ADGB: variants seen among roughly 807,000 people sequenced by gnomAD.
ADGB encodes calpain-7-like protein.
Under a neutral mutation model 210.5 loss-of-function variants are expected in ADGB, and 172 were observed. The ratio of observed to expected loss-of-function variants is 0.82; its 90% CI spans 0.72 to 0.93. The LOEUF is 0.93. Ranked by LOEUF, ADGB falls within the 40% of genes least tolerant of loss-of-function variation. The pLI is 0.00. For missense variants in ADGB, 2,025 were observed against 1,964.8 expected (o/e 1.03, Z -0.58); for synonymous variants, 658 against 662.7 (o/e 0.99, Z 0.11).
At chr6:146,644,450 G>A (rs1168248290) in intron 2 of ADGB, among the ~76,000 whole-genome samples, 2 of 151,752 alleles carry the variant, frequency 1.3e-5, no homozygotes, top group Admixed American at 6.6e-5. Context: ...CTGGCCCATC[G>A]TAAATTGCTT....
At chr6:146,654,094 T>A in intron 3 of ADGB, 41 bp from the exon 4 acceptor site, 1 of 1,262,388 alleles carries the variant, frequency 7.9e-7, no homozygotes, top group African/African-American at 1.5e-5. Flanking sequence ...TTTTTTATTA[T>A]TTTTCTTATG....
intron 7 of ADGB, among the ~76,000 whole-genome samples, chr6:146,669,769 C>G (rs2114899950): frequency 6.6e-6 from 1 of 152,150 alleles, no homozygotes; most frequent in South Asian, 2.1e-4. Flanking sequence ...CAAGTTTATG[C>G]CTGGTCACCA....
intron 14 of ADGB, among the ~76,000 whole-genome samples, chr6:146,716,541 C>T (rs931987616): frequency 1.6e-5 from 2 of 127,560 alleles, no homozygotes; most frequent in African/African-American, 6.5e-5. Context: ...TGCAGTGAGC[C>T]GAGATTGCGC....
At chr6:146,813,055 T>A (rs1260552253) in intron 35 of ADGB, among the ~76,000 whole-genome samples, 1 of 152,196 alleles carries the variant, frequency 6.6e-6, no homozygotes, top group African/African-American at 2.4e-5. Context: ...TATGGCCTGA[T>A]TTCCCAATGA....
intron 33 of ADGB, among the ~76,000 whole-genome samples, 168 bp downstream of exon 33, chr6:146,788,778 AC>A (rs1777916482): frequency 6.6e-6 from 1 of 152,190 alleles, no homozygotes; most frequent in Non-Finnish European, 1.5e-5. Context: ...TTGCTCAAGG[AC>A]CTGACTACTA....
chr6:146,622,797 A>G (rs945082923), intron 1 of ADGB, among the ~76,000 whole-genome samples: 1 of 152,030 alleles, frequency 6.6e-6, no homozygotes, highest in African/African-American at 2.4e-5. Context: ...TATCTTTGGC[A>G]TATCTTAGGT....
chr6:146,656,027 G>A (rs1463856222), intron 4 of ADGB, among the ~76,000 whole-genome samples: 1 of 147,462 alleles, frequency 6.8e-6, no homozygotes, highest in Non-Finnish European at 1.5e-5. Context: ...ACTGTTTCTA[G>A]TCCTCACAAA....
intron 14 of ADGB, 114 bp from the exon 15 acceptor site, chr6:146,716,769 T>C: frequency 1.0e-6 from 1 of 991,122 alleles, no homozygotes; most frequent in Non-Finnish European, 1.4e-6. Context: ...GATTATCTCA[T>C]AAATATTTTC....
intron 27 of ADGB, among the ~76,000 whole-genome samples, chr6:146,760,095 G>T (rs1041328250): frequency 6.6e-6 from 1 of 151,770 alleles, no homozygotes; most frequent in African/African-American, 2.4e-5. Flanking sequence ...AAAGGACAGG[G>T]CCTTTGTGTT....
intron 12 of ADGB, among the ~76,000 whole-genome samples, chr6:146,694,193 GT>G (rs1403875009): frequency 2.6e-5 from 4 of 152,104 alleles, no homozygotes; most frequent in African/African-American, 9.7e-5. Flanking sequence ...TAGCATTCAT[GT>G]TCTGTCTTAG....
At chr6:146,602,516 G>C (rs1780573075) in intron 1 of ADGB, among the ~76,000 whole-genome samples, 1 of 152,168 alleles carries the variant, frequency 6.6e-6, no homozygotes, top group African/African-American at 2.4e-5. Flanking sequence ...CTCATTGCCA[G>C]TATCTTAGTT....
chr6:146,724,452 A>C, intron 18 of ADGB, 125 bp downstream of exon 18: 1 of 960,472 alleles, frequency 1.0e-6, no homozygotes, highest in Non-Finnish European at 1.5e-6. Context: ...CTCAAGGCAT[A>C]GGTCCATGAT....
At chr6:146,630,611 AT>A (rs1204701641) in intron 1 of ADGB, among the ~76,000 whole-genome samples, 2 of 152,120 alleles carry the variant, frequency 1.3e-5, no homozygotes, top group African/African-American at 2.4e-5. Flanking sequence ...GAAGAGAAAA[AT>A]TGATGATCAG....
chr6:146,653,014 G>A lies in ADGB; in HGVS notation c.331-1121G>A, dbSNP rs543997214. On this transcript the variant is annotated intron_variant, in intron 3 of 35. Transcript: ENST00000397944. ...CAAGGCTTCATCTGTACTCACAGACGCTCCACATCACTTGCATTACCACCT... is the reference window on the plus strand; with the variant it reads ...CAAGGCTTCATCTGTACTCACAGACACTCCACATCACTTGCATTACCACCT... 1.1e-4 allele frequency among the ~76,000 whole-genome samples: 16 copies of A among 152,236 alleles called. No individual in the cohort carries two copies. In the South Asian group the frequency reaches 1.2e-3, roughly 12 times the overall value.
At chr6:146,643,852 T>G (rs560411224) in intron 2 of ADGB, among the ~76,000 whole-genome samples, 1 of 151,982 alleles carries the variant, frequency 6.6e-6, no homozygotes, top group South Asian at 2.1e-4. Flanking sequence ...TGAAACAACT[T>G]GGATGAATCT....
intron 25 of ADGB, 36 bp downstream of exon 25, chr6:146,741,307 T>A: frequency 1.3e-6 from 2 of 1,544,982 alleles, no homozygotes; most frequent in Non-Finnish European, 1.7e-6. Flanking sequence ...TATGATAGAA[T>A]GGCAGTGAAA....
At chr6:146,643,222 G>A (rs1775544763) in intron 2 of ADGB, among the ~76,000 whole-genome samples, 1 of 150,742 alleles carries the variant, frequency 6.6e-6, no homozygotes, top group Non-Finnish European at 1.5e-5. Flanking sequence ...TATCTTAAAG[G>A]TGACAATAAA....
At chr6:146,704,335 A>G (rs58582787) in intron 13 of ADGB, among the ~76,000 whole-genome samples, 9,362 of 151,516 alleles carry the variant, frequency 0.062, 933 homozygotes, top group African/African-American at 0.21. Context: ...GTCTGTTTGC[A>G]ATTGTTGCCT....
At chr6:146,618,219 T>C (rs1190556820) in intron 1 of ADGB, among the ~76,000 whole-genome samples, 2 of 151,918 alleles carry the variant, frequency 1.3e-5, no homozygotes, top group Admixed American at 6.6e-5. Flanking sequence ...TTTGTAGTTA[T>C]AATGTTTCCT....
Sources: allele counts gnomAD v4.1 joint callset (sites outside exome capture counted in the v4.1 genomes callset), GRCh38; gene constraint gnomAD v4.1.1; transcripts MANE v1.5; gene names NCBI Gene and HGNC (gene_info 2026-07-23, HGNC 2026-07-21).